Variants in DIP2C observed in about 807,000 individuals in gnomAD.
DIP2C encodes DIP2 acetate--CoA ligase C (putative).
DIP2C carries 33 observed loss-of-function variants against 192.4 expected under a neutral mutation model. That is an observed-to-expected ratio of 0.17 (90% confidence interval 0.13 to 0.23). The LOEUF is 0.23. DIP2C is among the 10% of genes least tolerant of loss of function. The pLI is 1.00. For missense variants in DIP2C, 1,537 were observed against 2,110.1 expected, an observed-to-expected ratio of 0.73 and a Z score of 5.32; for synonymous variants, 979 against 864.1, an observed-to-expected ratio of 1.13 and a Z score of -2.33.
chr10:391,960 A>C (rs1223356328), intron 10 of DIP2C, among the ~76,000 whole-genome samples: 2 of 152,194 alleles, frequency 1.3e-5, no homozygotes, highest in Non-Finnish European at 2.9e-5. Context: ...TCTACAGTGA[A>C]AACGCCTCTC....
At chr10:674,771 AAT>A (rs375454744) in intron 1 of DIP2C, among the ~76,000 whole-genome samples, 15 of 27,702 alleles carry the variant, frequency 5.4e-4, no homozygotes, top group African/African-American at 1.9e-3. Context: ...CTCCATCTCA[AAT>A]ATATATATAT....
intron 1 of DIP2C, chr10:664,646 G>A (rs151226431): frequency 1.1e-4 from 16 of 152,156 alleles, no homozygotes; most frequent in African/African-American, 3.4e-4. Flanking sequence ...GAGTTGTAAG[G>A]ATGATTTTTT....
chr10:590,659 CACA>C (rs1399468056), intron 1 of DIP2C, among the ~76,000 whole-genome samples: 14 of 152,250 alleles, frequency 9.2e-5, no homozygotes, highest in Admixed American at 8.5e-4. Flanking sequence ...TCTGCTCCTA[CACA>C]ACACTATATC....
At chr10:301,151 G>C (rs1386235133) in intron 32 of DIP2C, among the ~76,000 whole-genome samples, 1 of 152,148 alleles carries the variant, frequency 6.6e-6, no homozygotes, top group Non-Finnish European at 1.5e-5. Flanking sequence ...GGAGACATGG[G>C]GCTTTGTCTC....
At chr10:347,291 G>GACCTATCGCGTATAGTTCTCCCGGA (rs1958525704) in intron 26 of DIP2C, among the ~76,000 whole-genome samples, 1 of 24,322 alleles carries the variant, frequency 4.1e-5, no homozygotes. Context: ...GTTCTCCCGG[G>GACCTATCGCGTATAGTTCTCCCGGA]AACCCCACAC....
intron 1 of DIP2C, among the ~76,000 whole-genome samples, chr10:679,771 C>T (rs1831065450): frequency 6.6e-6 from 1 of 152,144 alleles, no homozygotes; most frequent in African/African-American, 2.4e-5. Context: ...ATCCCCGCAC[C>T]CGTGCTCCCC....
In DIP2C at chr10:568,698, G is replaced by A. The variant is rs535265495; in HGVS notation, c.86-82168C>T. On this transcript the variant is annotated intron_variant, in intron 1 of 36. Coordinates refer to ENST00000280886, the MANE Select transcript of DIP2C (RefSeq NM_014974.3). ...GGAGAATGGCGTGAACCCGGGAGGC[G>A]GAGCTTGCAGTGAGTCGAGATCGCG... 8.9e-5 allele frequency among the ~76,000 whole-genome samples: 13 copies of A among 145,510 alleles called. 1 individual carries two copies. The South Asian group carries it at 1.1e-3, about 13-fold the overall frequency.
At position 337,049 on chromosome 10, in the gene DIP2C, G is replaced by GGTGTGTGTGTGTGTGTGTGTGTGT. The variant is rs148004134; in HGVS notation, c.3584+4126_3584+4149dup. The stretch of plus-strand genomic sequence containing the variant: ...TGTGTGTGTTGTGGAGGCCTAGACT[G>GGTGTGTGTGTGTGTGTGTGTGTGT]GTGTGTGTGTGTGTGTGTGTGTGTT... On this transcript the variant is annotated intron_variant, in intron 29 of 36. Transcript: ENST00000280886. Among the ~76,000 whole-genome samples the GGTGTGTGTGTGTGTGTGTGTGTGT allele has an allele frequency of 2.0e-3, 75 of 37,950 alleles. 10 individuals carry two copies. The highest frequency in any genetic ancestry group is 9.0e-3 in the African/African-American group (71 of 7,918). The allele number at this position is 37,950 out of a possible 152,430, so 24.9% of individuals were successfully genotyped here.
chr10:405,365 T>C (rs377593473), intron 9 of DIP2C, among the ~76,000 whole-genome samples: 1 of 152,084 alleles, frequency 6.6e-6, no homozygotes, highest in Non-Finnish European at 1.5e-5. Context: ...CACTGCAGAG[T>C]TGTACTGAAA....
At chr10:468,972 G>A (rs1040464839) in intron 3 of DIP2C, among the ~76,000 whole-genome samples, 1 of 152,174 alleles carries the variant, frequency 6.6e-6, no homozygotes, top group Non-Finnish European at 1.5e-5. Flanking sequence ...TCCCTAAAGA[G>A]AAGGAGCTGT....
intron 16 of DIP2C, among the ~76,000 whole-genome samples, 178 bp from the exon 17 acceptor site, chr10:382,939 G>T (rs888097766): frequency 2.0e-5 from 3 of 152,200 alleles, no homozygotes; most frequent in Admixed American, 6.5e-5. Context: ...TTCTCAAACA[G>T]AACTCAAGAA....
At chr10:369,878 C>G in intron 17 of DIP2C, 1 of 1,369,304 alleles carries the variant, frequency 7.3e-7, no homozygotes, top group Non-Finnish European at 9.6e-7. Context: ...CGTAAACTAC[C>G]AACGCAGCTC....
At chr10:557,795 G>GGGCA (rs1360437859) in intron 1 of DIP2C, among the ~76,000 whole-genome samples, 9 of 71,968 alleles carry the variant, frequency 1.3e-4, no homozygotes, top group East Asian at 6.0e-4. Flanking sequence ...GCGGGGGCAG[G>GGGCA]GGCAGGCAGG....
chr10:387,886 A>G (rs1963111170), intron 13 of DIP2C, 77 bp from the exon 14 acceptor site: 9 of 1,390,048 alleles, frequency 6.5e-6, no homozygotes, highest in Non-Finnish European at 8.2e-6. Context: ...AAAATCCAAT[A>G]TTGCATCAGG....
At chr10:542,475 G>A (rs566604988) in intron 1 of DIP2C, among the ~76,000 whole-genome samples, 6 of 152,318 alleles carry the variant, frequency 3.9e-5, no homozygotes, top group South Asian at 4.1e-4. Context: ...GACTGCCAGC[G>A]GCCAGACGAC....
At chr10:321,041 G>A (rs967013410) in intron 31 of DIP2C, among the ~76,000 whole-genome samples, 3 of 152,212 alleles carry the variant, frequency 2.0e-5, no homozygotes, top group Admixed American at 6.5e-5. Context: ...ATGAGAAAGT[G>A]GCTTAGGAAC....
intron 1 of DIP2C, among the ~76,000 whole-genome samples, chr10:548,911 CAAAAAAAAAAAAAAA>C (rs61437915): frequency 1.1e-4 from 3 of 26,462 alleles, no homozygotes; most frequent in Non-Finnish European, 2.3e-4. Context: ...TAGCAGCTCA[CAAAAAAAAAAAAAAA>C]AAAAAAAAAA....
chr10:641,139 CA>C (rs11441421), intron 1 of DIP2C, among the ~76,000 whole-genome samples: 10 of 146,822 alleles, frequency 6.8e-5, no homozygotes, highest in Admixed American at 6.8e-5. Flanking sequence ...TTGCTAATTG[CA>C]AAAAAAAAAA....
chr10:686,685 G>A (rs1472864776), intron 1 of DIP2C, among the ~76,000 whole-genome samples: 1 of 152,278 alleles, frequency 6.6e-6, no homozygotes, highest in Non-Finnish European at 1.5e-5. Context: ...TGTGGTGTGA[G>A]CTGGCCTCAC....
Sources: gnomAD v4.1 joint callset for allele counts (sites outside exome capture counted in the v4.1 genomes callset) on GRCh38, gnomAD v4.1.1 for gene constraint, MANE v1.5 for transcripts, NCBI Gene and HGNC (gene_info 2026-07-23, HGNC 2026-07-21) for gene names.